The following NCOR2 variants were observed in gnomAD, a reference collection of about 807,000 sequenced individuals.
The protein encoded by NCOR2 is CTG repeat protein 26.
Under a neutral mutation model 262.9 loss-of-function variants are expected in NCOR2, and 81 were observed. The ratio of observed to expected loss-of-function variants is 0.31; its 90% CI spans 0.26 to 0.37. NCOR2 has a LOEUF of 0.37. Among genes scored for constraint, NCOR2 ranks in the 10% least tolerant of loss-of-function variants. The pLI is 1.00. For missense variants in NCOR2, 3,385 were observed against 3,621.4 expected (o/e 0.93, Z 1.68); for synonymous variants, 1,659 against 1,559.3 (o/e 1.06, Z -1.51).
Position 124,549,688 on chromosome 12 carries a change from C to T in NCOR2, c.-164-14077G>A, listed in dbSNP as rs200617113. Among the ~76,000 whole-genome samples the T allele has an allele frequency of 3.2e-4, 49 of 152,238 alleles. No homozygotes were observed. Among genetic ancestry groups the T allele is most frequent in the African/African-American group, 1.1e-3 (44 of 41,532 alleles). The stretch of plus-strand genomic sequence containing the variant: ...AACACCCTTCTCCAGATGGGGAAAC[C>T]GAGGCCCAGAAAGAAAACAGCCCGC... On this transcript the variant is annotated intron_variant, in intron 1 of 32. Transcript: ENST00000458234. This position sits in a 1 kb window ranked among gnomAD's most constrained non-coding sequence, Gnocchi z 4.4.
exon 47 of NCOR2, chr12:124,325,515 G>C (rs1427785449): frequency 3.7e-6 from 5 of 1,358,228 alleles, no homozygotes; most frequent in African/African-American, 1.5e-5. Flanking sequence ...AGGCCCGGTG[G>C]GGGTGGGGAA....
intron 11 of NCOR2, 122 bp from the exon 14 acceptor site, chr12:124,422,677 G>C: frequency 8.5e-7 from 1 of 1,172,688 alleles, no homozygotes; most frequent in African/African-American, 1.5e-5. Context: ...CGCCCCACTT[G>C]GAGCAATTAA....
At chr12:124,467,763 C>G (rs1457555285) in intron 4 of NCOR2, among the ~76,000 whole-genome samples, 1 of 110,748 alleles carries the variant, frequency 9.0e-6, no homozygotes, top group Non-Finnish European at 1.9e-5. Flanking sequence ...TCTTCATCAC[C>G]CCCATCACCC....
chr12:124,354,441 G>C, intron 26 of NCOR2, 37 bp downstream of exon 28: 1 of 1,450,678 alleles, frequency 6.9e-7, no homozygotes, highest in Non-Finnish European at 9.1e-7. Flanking sequence ...GAGGAACAGG[G>C]GCAGATGCTG....
chr12:124,422,470 C>T (rs1252476765), intron 12 of NCOR2, 31 bp downstream of exon 14: 1 of 1,613,562 alleles, frequency 6.2e-7, no homozygotes, highest in Non-Finnish European at 8.5e-7. Flanking sequence ...GAGGTGGAGA[C>T]CGAAGGGGTA....
At chr12:124,448,647 C>CAGATGCTGCAGGA (rs11268179) in intron 7 of NCOR2, among the ~76,000 whole-genome samples, 2 of 6,424 alleles carry the variant, frequency 3.1e-4, no homozygotes, top group Non-Finnish European at 1.7e-3. Context: ...CAACAATGAC[C>CAGATGCTGCAGGA]AGGTGGCCAA....
At chr12:124,371,572 G>A (rs971680307) in intron 20 of NCOR2, among the ~76,000 whole-genome samples, 6 of 152,190 alleles carry the variant, frequency 3.9e-5, no homozygotes, top group Non-Finnish European at 7.3e-5. Context: ...AATCACGACC[G>A]CCAGCAGCGG....
chr12:124,410,758 C>T lies in NCOR2; in HGVS notation c.1483-8197G>A, dbSNP rs562450443. ...GCCCTGAATACCAACACCCACCGCA[C>T]AGCGGCTGCCCCTCCCCAGGGACCA... On this transcript the variant is annotated intron_variant, in intron 13 of 46. Coordinates refer to ENST00000405201, the Ensembl canonical transcript of NCOR2. 1.2e-3 allele frequency among the ~76,000 whole-genome samples: 180 copies of T among 152,334 alleles called. 1 individual carries two copies. The highest frequency in any genetic ancestry group is 4.2e-3 in the African/African-American group (174 of 41,586).
At chr12:124,375,242 A>T (rs1164320632) in intron 18 of NCOR2, among the ~76,000 whole-genome samples, 3 of 152,182 alleles carry the variant, frequency 2.0e-5, no homozygotes, top group African/African-American at 7.2e-5. Context: ...CCACAGTCAG[A>T]GTACAGGACG....
Position 124,439,514 on chromosome 12 carries a change from GAGAGAGACGGAGACAGAGACCC to G in NCOR2, c.816-1540_816-1519del, listed in dbSNP as rs1222189638. ...AAAGAGGGAAACAGAGACCCAGAGA[GAGAGAGACGGAGACAGAGACCC>G]AGAGAGGGAAACAGGGACCCAGAGA... On this transcript the variant is annotated intron_variant, in intron 7 of 46. Transcript: ENST00000405201. Among the ~76,000 whole-genome samples the G allele has an allele frequency of 3.6e-3, 547 of 150,472 alleles. 8 individuals are homozygous for G. Among genetic ancestry groups the G allele is most frequent in the African/African-American group, 0.013 (524 of 40,796 alleles).
Position 124,483,818 on chromosome 12 carries a change from C to T in NCOR2, c.234-45G>A, listed in dbSNP as rs1298731493. Reference sequence around the variant, plus strand: ...CAACGTCACATAGGAGATTGCGGCTCTGAGAACTCCCGAGGCCCCGACCAC... The same window carrying T: ...CAACGTCACATAGGAGATTGCGGCTTTGAGAACTCCCGAGGCCCCGACCAC... On this transcript the variant is annotated intron_variant, in intron 2 of 46. Transcript: ENST00000405201. The surrounding 1 kb of genome is among the most constrained non-coding windows in gnomAD (Gnocchi z 6.3). 1.3e-6 allele frequency: 2 copies of T among 1,508,990 alleles called. No individual in the cohort carries two copies. The highest frequency in any genetic ancestry group is 1.8e-6 in the Non-Finnish European group (2 of 1,127,298). 93.5% of individuals were successfully genotyped at this position (1,508,990 alleles called of 1,614,324 possible).
chr12:124,352,931 A>G (rs188589015), intron 27 of NCOR2, among the ~76,000 whole-genome samples: 3 of 152,308 alleles, frequency 2.0e-5, no homozygotes, highest in East Asian at 1.9e-4. Context: ...CTCCCTTGCC[A>G]GCTGGGAACC....
At chr12:124,405,089 G>A (rs1365208160) in intron 13 of NCOR2, among the ~76,000 whole-genome samples, 2 of 151,742 alleles carry the variant, frequency 1.3e-5, no homozygotes, top group East Asian at 1.9e-4. Flanking sequence ...TTGCCAGCAC[G>A]CCCCATCTAC....
intron 22 of NCOR2, chr12:124,356,997 G>A: frequency 5.5e-6 from 3 of 542,230 alleles, no homozygotes; most frequent in Non-Finnish European, 8.7e-6. Context: ...GGATCTCAAG[G>A]TCTGAGCTGG....
At chr12:124,478,836 G>A (rs929896127) in intron 3 of NCOR2, among the ~76,000 whole-genome samples, 1 of 152,164 alleles carries the variant, frequency 6.6e-6, no homozygotes, top group Non-Finnish European at 1.5e-5. Context: ...GAAAGAGATA[G>A]AGATAGAGGG....
intron 20 of NCOR2, among the ~76,000 whole-genome samples, chr12:124,367,078 C>G (rs1216964890): frequency 3.3e-5 from 5 of 152,122 alleles, no homozygotes; most frequent in Non-Finnish European, 7.4e-5. Flanking sequence ...GACTTTATAA[C>G]ACACACAAAA....
chr12:124,381,732 A>C (rs768867669), intron 17 of NCOR2, among the ~76,000 whole-genome samples: 1 of 152,236 alleles, frequency 6.6e-6, no homozygotes, highest in Non-Finnish European at 1.5e-5. Flanking sequence ...CTCAGGTAGA[A>C]GAGATTAACA....
rs886728823 is a variant in NCOR2 at position 124,549,840 on chromosome 12, C to T, written c.-164-14229G>A. Among the ~76,000 whole-genome samples, 3 of 152,140 alleles carry T rather than the reference C, an allele frequency of 2.0e-5. No homozygotes were observed. The highest frequency in any genetic ancestry group is 7.2e-5 in the African/African-American group (3 of 41,430). On this transcript the variant is annotated intron_variant, in intron 1 of 32. Coordinates refer to the NCOR2 transcript ENST00000458234. This position sits in a 1 kb window ranked among gnomAD's most constrained non-coding sequence, Gnocchi z 4.4. Reference sequence around the variant, plus strand: ...TCACCACCCTATCCCACTGGGAAGGCAGGGGTGGATGGGCAGAGTGTCACG... The same window carrying T: ...TCACCACCCTATCCCACTGGGAAGGTAGGGGTGGATGGGCAGAGTGTCACG...
rs7979866 is a variant in NCOR2 at position 124,503,436 on chromosome 12, G to C, written c.-117-8068C>G. On this transcript the variant is annotated intron_variant, in intron 1 of 46. Coordinates refer to the NCOR2 transcript ENST00000404621. This position sits in a 1 kb window ranked among gnomAD's most constrained non-coding sequence, Gnocchi z 4.3. ...GGATGGATGGATGAATGCATGCATG[G>C]ATAGAGAAAGGAGGAAGGATGCATG... Among the ~76,000 whole-genome samples, 15,694 of 152,100 alleles carry C rather than the reference G, an allele frequency of 0.1. 983 individuals carry two copies. Among genetic ancestry groups the C allele is most frequent in the African/African-American group, 0.18 (7,653 of 41,466 alleles).
Sources: gnomAD v4.1 joint callset for allele counts (sites outside exome capture counted in the v4.1 genomes callset) on GRCh38, gnomAD v4.1.1 for gene constraint, Gnocchi (gnomAD v3.1) non-coding constraint, MANE v1.5 for transcripts, NCBI Gene and HGNC (gene_info 2026-07-23, HGNC 2026-07-21) for gene names.